TET3: variants seen among roughly 807,000 people sequenced by gnomAD.
The protein encoded by TET3 is methylcytosine dioxygenase TET3.
Under a neutral mutation model 141.4 loss-of-function variants are expected in TET3, and 19 were observed. The ratio of observed to expected loss-of-function variants is 0.13; its 90% confidence interval spans 0.09 to 0.20. TET3 has a LOEUF of 0.20. Ranked by LOEUF, TET3 falls within the 10% of genes least tolerant of loss-of-function variation. TET3 has a pLI of 1.00. For missense variants in TET3, 1,874 were observed against 2,356.9 expected (o/e 0.80, Z 4.24); for synonymous variants, 1,043 against 980.9 (o/e 1.06, Z -1.18).
intron 10 of TET3, among the ~76,000 whole-genome samples, chr2:74,097,920 T>C (rs1690945190): frequency 6.6e-6 from 1 of 152,054 alleles, no homozygotes; most frequent in Non-Finnish European, 1.5e-5. Flanking sequence ...CTCTCTGGGA[T>C]CAAGACCCCA....
intron 7 of TET3, among the ~76,000 whole-genome samples, 185 bp downstream of exon 7, chr2:74,088,223 C>T (rs1690266845): frequency 6.6e-6 from 1 of 152,194 alleles, no homozygotes; most frequent in Non-Finnish European, 1.5e-5. Context: ...TGGGTTCTAG[C>T]TCTGGCTCCA....
At chr2:74,054,243 G>C (rs1193133319) in intron 4 of TET3, among the ~76,000 whole-genome samples, 1 of 152,082 alleles carries the variant, frequency 6.6e-6, no homozygotes, top group Admixed American at 6.6e-5. Flanking sequence ...ATGTAGTTCA[G>C]GCAAGAAATA....
At chr2:74,070,518 C>T (rs562381716) in intron 4 of TET3, among the ~76,000 whole-genome samples, 6 of 152,306 alleles carry the variant, frequency 3.9e-5, no homozygotes, top group South Asian at 2.1e-4. Context: ...ATATCATCTG[C>T]GCTGTGCTGC....
downstream of TET3, among the ~76,000 whole-genome samples, chr2:74,110,013 AGATAT>A (rs993144542): frequency 5.9e-5 from 9 of 152,202 alleles, no homozygotes; most frequent in Admixed American, 4.6e-4. Context: ...ATACCACATA[AGATAT>A]AAGGATAAAA....
upstream of TET3, among the ~76,000 whole-genome samples, chr2:73,984,307 G>A (rs1203747848): frequency 6.6e-6 from 1 of 152,250 alleles, no homozygotes; most frequent in Non-Finnish European, 1.5e-5. The surrounding 1 kb of genome is among the most constrained non-coding windows in gnomAD (Gnocchi z 5.6). Flanking sequence ...ACCTGGACAG[G>A]GCATTCGGCC....
chr2:74,012,752 C>G (rs1012489241), intron 3 of TET3, among the ~76,000 whole-genome samples: 2 of 152,174 alleles, frequency 1.3e-5, no homozygotes, highest in African/African-American at 4.8e-5. Context: ...GTGAATGACT[C>G]TAGTGTTTTA....
intron 3 of TET3, among the ~76,000 whole-genome samples, chr2:74,035,907 A>G (rs1455673263): frequency 6.6e-6 from 1 of 151,612 alleles, no homozygotes; most frequent in Non-Finnish European, 1.5e-5. Flanking sequence ...AGTCCCAGCT[A>G]CTTGGGAGAC....
At chr2:74,127,560 C>T in the TET3 span, among the ~76,000 whole-genome samples, 2,850 of 152,214 alleles carry the variant, frequency 0.019, 77 homozygotes, top group African/African-American at 0.063. Context: ...ATCCAGCCAT[C>T]CTATATCAGA....
intron 4 of TET3, among the ~76,000 whole-genome samples, chr2:74,060,521 TA>T (rs371524486): frequency 2.0e-3 from 310 of 152,264 alleles, no homozygotes; most frequent in African/African-American, 7.0e-3. Context: ...CATTTTTTTT[TA>T]AATTTATTAT....
At position 74,047,086 on chromosome 2, in the gene TET3, C is replaced by T. The variant is rs750695618; in HGVS notation, c.1169C>T (p.Pro390Leu). 3.7e-6 allele frequency: 6 copies of T among 1,613,882 alleles called. No individual in the cohort carries two copies. In the East Asian group the frequency reaches 1.3e-4, roughly 36 times the overall value. Reference sequence around the variant, plus strand: ...TGCCCCCTTCCTGAGGCCTTGTCACCTCCTGCCCCTTTCAGATCTCCCCAG... The same window carrying T: ...TGCCCCCTTCCTGAGGCCTTGTCACTTCCTGCCCCTTTCAGATCTCCCCAG... ...ASCPLPEALSPPAPFRSPQSY... is the reference protein window; with the variant it reads ...ASCPLPEALSLPAPFRSPQSY... The change falls in exon 4 of 12, where the codon CCT becomes CTT. Residue 390 changes from proline to leucine, a missense_variant. Pro to Leu is a moderately conservative substitution (Grantham distance 98). Coordinates refer to ENST00000409262, the MANE Select transcript of TET3 (RefSeq NM_001287491.2).
chr2:74,025,381 C>T (rs947736380), intron 3 of TET3, among the ~76,000 whole-genome samples: 7 of 150,932 alleles, frequency 4.6e-5, no homozygotes, highest in South Asian at 2.1e-4. Flanking sequence ...CTCTGCCTCC[C>T]GGCTTCACGC....
chr2:74,082,486 G>A (rs1200384061), intron 6 of TET3, among the ~76,000 whole-genome samples: 1 of 152,164 alleles, frequency 6.6e-6, no homozygotes, highest in African/African-American at 2.4e-5. Flanking sequence ...GCCCTGGTGG[G>A]TGAACATAGA....
At chr2:74,008,712 G>T (rs6751551) in intron 3 of TET3, among the ~76,000 whole-genome samples, 28,326 of 151,754 alleles carry the variant, frequency 0.19, 3,530 homozygotes, top group African/African-American at 0.35. Flanking sequence ...AAGTAAAAAT[G>T]ACTAACTTTC....
At chr2:74,067,452 C>T (rs1688970365) in intron 4 of TET3, among the ~76,000 whole-genome samples, 1 of 152,204 alleles carries the variant, frequency 6.6e-6, no homozygotes, top group Non-Finnish European at 1.5e-5. Context: ...GTATTTTACA[C>T]ATAGAGGCAT....
chr2:74,112,651 T>G (rs1374501835), downstream of TET3, among the ~76,000 whole-genome samples: 2 of 152,116 alleles, frequency 1.3e-5, no homozygotes, highest in African/African-American at 4.8e-5. Flanking sequence ...AATGAGTGCT[T>G]TGCAAGAAAT....
chr2:74,041,963 C>T (rs187270039), intron 3 of TET3, among the ~76,000 whole-genome samples: 1 of 152,308 alleles, frequency 6.6e-6, no homozygotes, highest in East Asian at 1.9e-4. Flanking sequence ...TGTCACTCAA[C>T]ATAGCTTTAT....
rs1691216492 is a variant in TET3, at chr2:74,101,537, T to A, written c.4749T>A (p.Gly1583=). ...SQLDRAWQSF[G]LPLGSSEKLF... is the part of the protein sequence containing the mutation. ...TGGACAGGGCCTGGCAGTCCTTTGG[T>A]CTGCCCCTGGGATCCAGCGAGAAGC... Residue 1583 remains glycine (G), a synonymous_variant, in exon 12 of 12, where the codon GGT becomes GGA. Transcript: ENST00000409262. The surrounding 1 kb of genome is among the most constrained non-coding windows in gnomAD (Gnocchi z 8.5). 1 of 1,610,684 alleles carries A rather than the reference T, an allele frequency of 6.2e-7. No homozygotes were observed. The highest frequency in any genetic ancestry group is 2.2e-5 in the East Asian group (1 of 44,802).
At chr2:74,114,076 A>G in the TET3 span, among the ~76,000 whole-genome samples, 1 of 152,218 alleles carries the variant, frequency 6.6e-6, no homozygotes, top group Admixed American at 6.5e-5. Flanking sequence ...GTAATAACCA[A>G]AACAGCATGG....
chr2:74,007,086 T>G (rs1435860397), intron 3 of TET3, among the ~76,000 whole-genome samples: 1 of 152,232 alleles, frequency 6.6e-6, no homozygotes, highest in Non-Finnish European at 1.5e-5. Flanking sequence ...ATTATTTGAT[T>G]CTCACAAAAC....
Sources: gnomAD v4.1 joint callset for allele counts (sites outside exome capture counted in the v4.1 genomes callset) on GRCh38, gnomAD v4.1.1 for gene constraint, Gnocchi (gnomAD v3.1) non-coding constraint, MANE v1.5 for transcripts, NCBI Gene and HGNC (gene_info 2026-07-23, HGNC 2026-07-21) for gene names.